The following AKAP7 variants were observed in gnomAD, a reference collection of about 807,000 sequenced individuals.
The protein encoded by AKAP7 is A kinase (PRKA) anchor protein 7.
In AKAP7, 39 loss-of-function variants were observed where a neutral mutation model predicts 39.5. The observed-to-expected ratio is 0.99, with a 90% CI of 0.76 to 1.29. AKAP7 has a LOEUF of 1.29. AKAP7 is among the 50% of genes most tolerant of loss of function. The pLI is 0.00. For missense variants in AKAP7, 414 were observed against 407.7 expected, an observed-to-expected ratio of 1.02 and a Z score of -0.13; for synonymous variants, 140 against 139.1, an observed-to-expected ratio of 1.01 and a Z score of -0.05.
At chr6:131,178,406 A>G (rs1000331991) in intron 5 of AKAP7, among the ~76,000 whole-genome samples, 3 of 152,222 alleles carry the variant, frequency 2.0e-5, no homozygotes, top group Non-Finnish European at 2.9e-5. Context: ...GATGGTAACT[A>G]TTATTATTAA....
At chr6:131,184,604 C>T (rs553541884) in intron 5 of AKAP7, 90 of 739,592 alleles carry the variant, frequency 1.2e-4, no homozygotes, top group African/African-American at 1.2e-3. Context: ...CCTGAGCAGC[C>T]ACAGTCGAAA....
chr6:131,213,234 T>C (rs3777477), intron 6 of AKAP7, among the ~76,000 whole-genome samples: 55,104 of 151,898 alleles, frequency 0.36, 10,050 homozygotes, highest in Middle Eastern at 0.41. Context: ...AACAGCCCCA[T>C]TCTCCTGCTT....
At chr6:131,212,156 C>A (rs190472829) in intron 6 of AKAP7, among the ~76,000 whole-genome samples, 94 of 150,778 alleles carry the variant, frequency 6.2e-4, no homozygotes, top group African/African-American at 2.1e-3. Flanking sequence ...GTTGAAATAT[C>A]ATATGTTGAA....
In AKAP7 at chr6:131,160,073, C is replaced by T; in HGVS notation, c.166C>T (p.Gln56Ter). 1 of 1,590,054 alleles carries T rather than the reference C, an allele frequency of 6.3e-7. No homozygotes were observed. The highest frequency in any genetic ancestry group is 1.2e-5 in the South Asian group (1 of 85,606). Residue 56 changes from glutamine to a stop codon, truncating the protein, a stop_gained, in exon 3 of 8, where the codon CAA becomes TAA. Transcript: ENST00000431975. LOFTEE classifies it high-confidence loss of function. ...QDDCGITDEP[Q>*]INLKRSQENE... The stretch of plus-strand genomic sequence containing the variant: ...TTTTCCTCTAGTCACTGATGAACCT[C>T]AAATAAATTTGAAGAGAAGTCAAGA...
intron 3 of AKAP7, among the ~76,000 whole-genome samples, chr6:131,161,284 C>G (rs1802918996): frequency 6.6e-6 from 1 of 151,964 alleles, no homozygotes; most frequent in Non-Finnish European, 1.5e-5. Context: ...ATTTGATGTA[C>G]TGAAGAATCA....
intron 1 of AKAP7, among the ~76,000 whole-genome samples, chr6:131,138,338 A>C (rs1396007860): frequency 6.6e-6 from 1 of 152,206 alleles, no homozygotes; most frequent in Non-Finnish European, 1.5e-5. Context: ...GTATATATGT[A>C]CCATATTTCC....
intron 7 of AKAP7, among the ~76,000 whole-genome samples, chr6:131,248,074 A>G (rs1305354703): frequency 6.6e-6 from 1 of 152,200 alleles, no homozygotes; most frequent in Admixed American, 6.5e-5. Context: ...GGCCAGATAT[A>G]TAAGCATTAA....
At chr6:131,200,790 C>T (rs950803000) in intron 6 of AKAP7, 2 of 152,094 alleles carry the variant, frequency 1.3e-5, no homozygotes, top group African/African-American at 4.8e-5. Context: ...CAACAATTTA[C>T]AAAACTTGTA....
At chr6:131,132,164 T>A (rs1268248041), upstream of AKAP7, among the ~76,000 whole-genome samples, 1 of 151,798 alleles carries the variant, frequency 6.6e-6, no homozygotes. Context: ...ATACAAAAAA[T>A]TAGCCGGGCG....
chr6:131,128,155 T>C, the AKAP7 span, among the ~76,000 whole-genome samples: 1 of 152,130 alleles, frequency 6.6e-6, no homozygotes, highest in Non-Finnish European at 1.5e-5. Context: ...CATGTACCCC[T>C]GAACCTAAAA....
intron 7 of AKAP7, among the ~76,000 whole-genome samples, chr6:131,240,230 T>C (rs1811426070): frequency 6.6e-6 from 1 of 152,208 alleles, no homozygotes; most frequent in African/African-American, 2.4e-5. Flanking sequence ...CGGATATTGG[T>C]GAACAGCAAA....
At chr6:131,240,726 CTGGTATGCTG>C (rs1811475863) in intron 7 of AKAP7, among the ~76,000 whole-genome samples, 1 of 152,238 alleles carries the variant, frequency 6.6e-6, no homozygotes, top group African/African-American at 2.4e-5. Context: ...ATATAATCTC[CTGGTATGCTG>C]TTTGCTAAGA....
intron 6 of AKAP7, among the ~76,000 whole-genome samples, chr6:131,206,074 C>T (rs1808070220): frequency 6.6e-6 from 1 of 152,114 alleles, no homozygotes; most frequent in African/African-American, 2.4e-5. Flanking sequence ...CACTTGATGG[C>T]AGAAGAAGAC....
intron 7 of AKAP7, among the ~76,000 whole-genome samples, chr6:131,229,489 C>T (rs1463012927): frequency 1.3e-5 from 2 of 152,122 alleles, no homozygotes; most frequent in African/African-American, 4.8e-5. Context: ...GTTGGGATTA[C>T]AGGTGCCTAC....
chr6:131,150,626 A>G (rs927521569), intron 2 of AKAP7, among the ~76,000 whole-genome samples: 4 of 152,244 alleles, frequency 2.6e-5, no homozygotes, highest in Admixed American at 1.3e-4. Flanking sequence ...AAATAAGAAA[A>G]TGAATAAAAA....
intron 7 of AKAP7, among the ~76,000 whole-genome samples, chr6:131,242,355 G>A (rs1811692126): frequency 6.6e-6 from 1 of 152,094 alleles, no homozygotes; most frequent in Admixed American, 6.5e-5. Context: ...GTATAATAAG[G>A]TTTAGAGAAA....
chr6:131,140,500 A>G (rs965272852), intron 1 of AKAP7, among the ~76,000 whole-genome samples: 10 of 152,202 alleles, frequency 6.6e-5, no homozygotes, highest in African/African-American at 2.4e-4. Context: ...TTTTGCCTTC[A>G]AAATGTGTTG....
chr6:131,174,750 CTT>C (rs771546655), intron 5 of AKAP7, among the ~76,000 whole-genome samples: 4 of 152,244 alleles, frequency 2.6e-5, no homozygotes, highest in South Asian at 4.1e-4. Context: ...TTTCTTAAAA[CTT>C]TGTAATAAAT....
intron 7 of AKAP7, among the ~76,000 whole-genome samples, chr6:131,252,201 A>G (rs953450083): frequency 6.6e-6 from 1 of 152,184 alleles, no homozygotes; most frequent in Non-Finnish European, 1.5e-5. Context: ...CCTAATATTG[A>G]TGGACAGGAA....
Sources: gnomAD v4.1 joint callset for allele counts (sites outside exome capture counted in the v4.1 genomes callset) on GRCh38, gnomAD v4.1.1 for gene constraint, MANE v1.5 for transcripts, NCBI Gene and HGNC (gene_info 2026-07-23, HGNC 2026-07-21) for gene names.